Variants in NETO2 observed in about 807,000 individuals in gnomAD.
NETO2 encodes the protein neuropilin and tolloid like 2.
NETO2 carries 28 observed loss-of-function variants against 62.5 expected under a neutral mutation model. That is an observed-to-expected ratio of 0.45 (90% CI 0.33 to 0.61). NETO2 has a LOEUF of 0.61. Ranked by LOEUF, NETO2 falls within the 20% of genes least tolerant of loss-of-function variation. The pLI is 0.02. For synonymous variants in NETO2, 214 were observed against 219.1 expected, an observed-to-expected ratio of 0.98 and a Z score of 0.21; for missense variants, 548 against 643.2, an observed-to-expected ratio of 0.85 and a Z score of 1.60.
chr16:47,138,766 T>C (rs1489153740), intron 1 of NETO2, among the ~76,000 whole-genome samples: 1 of 152,222 alleles, frequency 6.6e-6, no homozygotes, highest in African/African-American at 2.4e-5. Context: ...AGAGTCCCAT[T>C]ATAGTTAGAA....
At chr16:47,116,493 T>C (rs1402360156) in intron 6 of NETO2, among the ~76,000 whole-genome samples, 3 of 152,240 alleles carry the variant, frequency 2.0e-5, no homozygotes, top group Non-Finnish European at 2.9e-5. Context: ...TTTACTATTA[T>C]GTATTTTTTT....
chr16:47,124,868 A>G (rs1964122684), intron 4 of NETO2, among the ~76,000 whole-genome samples: 1 of 152,230 alleles, frequency 6.6e-6, no homozygotes, highest in Non-Finnish European at 1.5e-5. Context: ...GTGAAGCACT[A>G]TAAAATGCAA....
chr16:47,126,020 T>C (rs1217391521), intron 4 of NETO2, among the ~76,000 whole-genome samples: 1 of 152,210 alleles, frequency 6.6e-6, no homozygotes, highest in African/African-American at 2.4e-5. Flanking sequence ...CTGATAACCA[T>C]TCCACTTTCT....
In NETO2 at chr16:47,122,720, C is replaced by A; in HGVS notation, c.591G>T (p.Glu197Asp). The change falls in exon 6 of 9, where the codon GAG becomes GAT. Residue 197 changes from glutamate (E) to aspartate (D), a missense_variant. Coordinates refer to ENST00000562435, the MANE Select transcript of NETO2 (RefSeq NM_018092.5). ...IVRSSQVEQEEKTKPGQAVDC... is the reference protein window; with the variant it reads ...IVRSSQVEQEDKTKPGQAVDC... ...CAACGGCTTGGCCTGGTTTTGTTTT[C>A]TCCTCTTGTTCTACCTGACTAGAGC... is the stretch of plus-strand genomic sequence containing the variant. 1.2e-6 allele frequency: 2 copies of A among 1,614,048 alleles called. No homozygotes were observed. The highest frequency in any genetic ancestry group is 3.3e-5 in the Admixed American group (2 of 60,014).
In NETO2 at chr16:47,077,799, G is replaced by C. The variant is rs1963006493; in HGVS notation, c.*5422C>G. On this transcript the variant is annotated 3_prime_UTR_variant, in exon 9 of 9. Transcript: ENST00000562435. The stretch of plus-strand genomic sequence containing the variant: ...TAAAATTGCTCTGTAACAATTTACA[G>C]AGACAGACCAGTGGTAAACCTTCTT... 6.6e-6 allele frequency: 1 copy of C among 152,202 alleles called. No individual in the cohort carries two copies. The highest frequency in any genetic ancestry group is 2.4e-5 in the African/African-American group (1 of 41,454). 9.4% of individuals were successfully genotyped at this position (152,202 alleles called of 1,614,324 possible). A position where few individuals can be genotyped will look rare whatever the true frequency, so the allele number is the denominator to read the frequency against.
intron 2 of NETO2, among the ~76,000 whole-genome samples, chr16:47,129,694 G>A (rs764876153): frequency 5.3e-5 from 8 of 152,172 alleles, no homozygotes; most frequent in Non-Finnish European, 1.2e-4. Context: ...AGGCATCCCA[G>A]GAGCTGATCT....
chr16:47,113,641 G>A (rs562729584), intron 6 of NETO2, among the ~76,000 whole-genome samples: 3 of 146,674 alleles, frequency 2.0e-5, no homozygotes, highest in African/African-American at 7.6e-5. Flanking sequence ...GCCCAGGCTG[G>A]AGTGCAGTAG....
chr16:47,083,467 G>A lies in NETO2; in HGVS notation c.1332C>T (p.Ala444=). Residue 444 remains alanine (A), a synonymous_variant, in exon 9 of 9, where the codon GCC becomes GCT. Transcript: ENST00000562435. ...TGGTCCTGCTTTGTTTGACGCTGGA[G>A]GCCTGCGACCCACAGTGGTGGTCGT... ...CIHDHHCGSQ[A]SSVKQSRTNL... is the part of the protein sequence containing the mutation. 2 of 1,614,220 alleles carry A rather than the reference G, an allele frequency of 1.2e-6. No homozygotes were observed. The highest frequency in any genetic ancestry group is 1.7e-6 in the Non-Finnish European group (2 of 1,180,034).
rs760475328 is a variant in NETO2, at chr16:47,128,326, T to C, written c.480A>G (p.Pro160=). 1 of 1,612,340 alleles carries C rather than the reference T, an allele frequency of 6.2e-7. No homozygotes were observed. Among genetic ancestry groups the C allele is most frequent in the Admixed American group, 1.7e-5 (1 of 59,784 alleles). Reference sequence around the variant, plus strand: ...CTTAAAAGATAACTTATTCTTTACCTGGAATAAATGAATATTTTGCTCGAA... The same window carrying C: ...CTTAAAAGATAACTTATTCTTTACCCGGAATAAATGAATATTTTGCTCGAA... The part of the protein sequence containing the change: ...LGFRAKYSFI[P]DPDFTYLGGI... The change falls in exon 4 of 9, where the codon CCA becomes CCG. Residue 160 remains proline, a splice_region_variant and synonymous_variant. Transcript: ENST00000562435.
intron 1 of NETO2, among the ~76,000 whole-genome samples, chr16:47,138,725 C>A (rs1478576069): frequency 2.0e-5 from 3 of 152,208 alleles, no homozygotes; most frequent in Non-Finnish European, 4.4e-5. Flanking sequence ...CAAATCAGAT[C>A]ACATCACAGC....
rs1437549289 is a variant in NETO2, at chr16:47,083,438, A to C, written c.1361T>G (p.Leu454Arg). The change falls in exon 9 of 9, where the codon CTC becomes CGC. Residue 454 changes from leucine to arginine, a missense_variant. By Grantham distance (102) the Leu-to-Arg change is moderately radical. Transcript: ENST00000562435. Reference protein sequence around the residue: ...ASSVKQSRTNLSSMELPFRND... With the variant: ...ASSVKQSRTNRSSMELPFRND... Reference sequence around the variant, plus strand: ...TCGGAAAGGAAGTTCCATGGAACTGAGGTTGGTCCTGCTTTGTTTGACGCT... The same window carrying C: ...TCGGAAAGGAAGTTCCATGGAACTGCGGTTGGTCCTGCTTTGTTTGACGCT... 1.9e-6 allele frequency: 3 copies of C among 1,614,082 alleles called. No individual in the cohort carries two copies. The highest frequency in any genetic ancestry group is 1.7e-5 in the Admixed American group (1 of 60,006).
chr16:47,114,439 C>CTTTTTTTTT lies in NETO2; in HGVS notation c.655-4737_655-4729dup, dbSNP rs33994080. ...TTTCATTAGTCCAATTTATAAATTT[C>CTTTTTTTTT]TTTTTTTTTTTTTTTTTTTTTTTTT... is the stretch of plus-strand genomic sequence containing the variant. On this transcript the variant is annotated intron_variant, in intron 6 of 8. Transcript: ENST00000562435. Among the ~76,000 whole-genome samples, 22 of 37,930 alleles carry CTTTTTTTTT rather than the reference C, an allele frequency of 5.8e-4. 3 individuals are homozygous for CTTTTTTTTT. Among genetic ancestry groups the CTTTTTTTTT allele is most frequent in the Non-Finnish European group, 8.1e-4 (16 of 19,746 alleles). 24.9% of individuals were successfully genotyped at this position (37,930 alleles called of 152,430 possible). A position where few individuals can be genotyped will look rare whatever the true frequency, so the allele number is the denominator to read the frequency against.
intron 7 of NETO2, among the ~76,000 whole-genome samples, chr16:47,100,180 G>A (rs1157134162): frequency 6.6e-6 from 1 of 152,108 alleles, no homozygotes; most frequent in Non-Finnish European, 1.5e-5. Flanking sequence ...ACAACTACAT[G>A]GAAACTGAAC....
At chr16:47,143,281 GA>G (rs547522528) in intron 1 of NETO2, among the ~76,000 whole-genome samples, 3 of 152,126 alleles carry the variant, frequency 2.0e-5, no homozygotes, top group African/African-American at 7.2e-5. Context: ...GCGCAGCCCG[GA>G]GGGCCCTGCT....
At chr16:47,106,338 G>C (rs1356791817) in intron 7 of NETO2, among the ~76,000 whole-genome samples, 1 of 152,160 alleles carries the variant, frequency 6.6e-6, no homozygotes, top group Non-Finnish European at 1.5e-5. Context: ...TGGGTATAGA[G>C]TTTCAGTTTG....
intron 7 of NETO2, among the ~76,000 whole-genome samples, chr16:47,104,141 C>A (rs1294288905): frequency 6.6e-6 from 1 of 152,086 alleles, no homozygotes; most frequent in Admixed American, 6.6e-5. Flanking sequence ...CACCCACCCC[C>A]ACACCCACAC....
chr16:47,126,093 G>A (rs1015094310), intron 4 of NETO2, among the ~76,000 whole-genome samples: 4 of 151,892 alleles, frequency 2.6e-5, no homozygotes, highest in Non-Finnish European at 4.4e-5. Flanking sequence ...GTGCTTTTGC[G>A]TCTGGCTTAT....
intron 7 of NETO2, among the ~76,000 whole-genome samples, chr16:47,092,363 T>C (rs1248542720): frequency 6.6e-6 from 1 of 152,208 alleles, no homozygotes; most frequent in Non-Finnish European, 1.5e-5. Context: ...GGGGATGCTG[T>C]TGGAAGCCCC....
intron 1 of NETO2, among the ~76,000 whole-genome samples, chr16:47,132,925 A>C (rs1006384756): frequency 2.6e-5 from 4 of 152,328 alleles, no homozygotes; most frequent in Non-Finnish European, 4.4e-5. Context: ...TTTTCAGCTC[A>C]GTTTACTTAT....
Sources: gnomAD v4.1 joint callset for allele counts (sites outside exome capture counted in the v4.1 genomes callset) on GRCh38, gnomAD v4.1.1 for gene constraint, MANE v1.5 for transcripts, NCBI Gene and HGNC (gene_info 2026-07-23, HGNC 2026-07-21) for gene names.